The following OR1I1 variants were observed in gnomAD, a reference collection of about 807,000 sequenced individuals.
OR1I1 encodes olfactory receptor family 1 subfamily I member 1.
For missense variants in OR1I1, 451 were observed against 443.6 expected (o/e 1.02, Z -0.15); for synonymous variants, 171 against 181.4 (o/e 0.94, Z 0.46).
intron 1 of OR1I1, among the ~76,000 whole-genome samples, chr19:15,083,683 G>A (rs995580322): frequency 2.0e-5 from 3 of 152,280 alleles, no homozygotes; most frequent in Non-Finnish European, 4.4e-5. Context: ...CCTTTCATCG[G>A]CTGGGCGCTG....
Position 15,088,294 on chromosome 19 carries a change from C to A in OR1I1, c.*161C>A. The A allele has an allele frequency of 1.3e-6, 1 of 792,910 alleles. No homozygotes were observed. The highest frequency in any genetic ancestry group is 1.9e-6 in the Non-Finnish European group (1 of 518,032). 49.1% of individuals were successfully genotyped at this position (792,910 alleles called of 1,614,324 possible). A position where few individuals can be genotyped will look rare whatever the true frequency, so the allele number is the denominator to read the frequency against. ...GAAATTAGCCCTCCTGGAGGATCAG[C>A]CTTTTAGGATTGCTATGTGAATAAG... On this transcript the variant is annotated 3_prime_UTR_variant, in exon 2 of 2. Coordinates refer to ENST00000641398, the MANE Select transcript of OR1I1 (RefSeq NM_001004713.2).
At chr19:15,084,925 A>C (rs578238003) in intron 1 of OR1I1, among the ~76,000 whole-genome samples, 1 of 151,592 alleles carries the variant, frequency 6.6e-6, no homozygotes, top group African/African-American at 2.4e-5. Context: ...TACAGGCTGC[A>C]GTGAGCTGTG....
chr19:15,086,759 T>C (rs1392916495), intron 1 of OR1I1, among the ~76,000 whole-genome samples: 1 of 152,122 alleles, frequency 6.6e-6, no homozygotes, highest in Non-Finnish European at 1.5e-5. Flanking sequence ...TTTTGTTTTC[T>C]ATGAAGCTTT....
chr19:15,082,558 T>C (rs2046213666), intron 1 of OR1I1, among the ~76,000 whole-genome samples: 1 of 151,988 alleles, frequency 6.6e-6, no homozygotes. Flanking sequence ...TGGCAGGATA[T>C]GTGGAGGAAA....
Position 15,089,225 on chromosome 19 carries a change from T to TG in OR1I1, c.*1098dup, listed in dbSNP as rs1047175900. ...AGTCAGCCAGCAAGCCTCAGCCTCC[T>TG]GGGGGGTCTTGAGACCTCCACTTGT... On this transcript the variant is annotated 3_prime_UTR_variant, in exon 2 of 2. Coordinates refer to ENST00000641398, the MANE Select transcript of OR1I1 (RefSeq NM_001004713.2). The TG allele has an allele frequency of 1.3e-5, 2 of 152,098 alleles. No individual in the cohort carries two copies. Among genetic ancestry groups the TG allele is most frequent in the Non-Finnish European group, 2.9e-5 (2 of 68,002 alleles). The allele number at this position is 152,098 out of a possible 1,614,324, so 9.4% of individuals were successfully genotyped here.
At chr19:15,083,010 T>C (rs540468848) in intron 1 of OR1I1, among the ~76,000 whole-genome samples, 1 of 151,860 alleles carries the variant, frequency 6.6e-6, no homozygotes, top group South Asian at 2.1e-4. Context: ...TCTTCCTATG[T>C]TGCCCAGGAT....
At chr19:15,085,723 T>C (rs1255360317) in intron 1 of OR1I1, among the ~76,000 whole-genome samples, 2 of 152,146 alleles carry the variant, frequency 1.3e-5, no homozygotes, top group African/African-American at 4.8e-5. Context: ...TAACCACCAT[T>C]CTACTCTGCT....
At chr19:15,086,530 T>C (rs1430931821) in intron 1 of OR1I1, among the ~76,000 whole-genome samples, 2 of 151,048 alleles carry the variant, frequency 1.3e-5, no homozygotes, top group East Asian at 3.9e-4. Context: ...CTCTGCTCGC[T>C]GCAAACTTTG....
Position 15,087,998 on chromosome 19 carries a change from CT to C in OR1I1, c.934del (p.Cys312ValfsTer37). ...AGCTCATCGGCAAAGTGGCCGTCCC[CT>C]GTCCTAGGCCAGAACAGTTATTGGA... ...GKLIGKVAVPCPRPEQLLDVY... is the reference protein window; with the variant it reads ...GKLIGKVAVPXPRPEQLLDVY... On this transcript the variant is annotated frameshift_variant, in exon 2 of 2. Coordinates refer to ENST00000641398, the MANE Select transcript of OR1I1 (RefSeq NM_001004713.2). LOFTEE classifies it low-confidence loss of function (END_TRUNC). The C allele has an allele frequency of 6.2e-7, 1 of 1,614,182 alleles. No individual in the cohort carries two copies.
In OR1I1 at chr19:15,088,073, G is replaced by T; in HGVS notation, c.1008G>T (p.Met336Ile). ...TGTTGGCTGCTAGGGACACAGAGAT[G>T]CATCCCATCCCCTACCCTGGAGGAG... ...GSLLAARDTEMHPIPYPGGVQ... is the reference protein window; with the variant it reads ...GSLLAARDTEIHPIPYPGGVQ... Residue 336 changes from methionine (M) to isoleucine (I), a missense_variant, in exon 2 of 2, where the codon ATG becomes ATT. Met to Ile is a conservative substitution (Grantham distance 10). Transcript: ENST00000641398. 6.3e-7 allele frequency: 1 copy of T among 1,580,494 alleles called. No homozygotes were observed. The highest frequency in any genetic ancestry group is 2.3e-5 in the East Asian group (1 of 44,166).
chr19:15,084,334 C>T (rs2046220392), intron 1 of OR1I1, among the ~76,000 whole-genome samples: 1 of 152,122 alleles, frequency 6.6e-6, no homozygotes, highest in South Asian at 2.1e-4. Context: ...TCAAGCCGGG[C>T]AGATGATGAG....
At chr19:15,083,348 A>G (rs1043415068) in intron 1 of OR1I1, among the ~76,000 whole-genome samples, 2 of 151,852 alleles carry the variant, frequency 1.3e-5, no homozygotes, top group Admixed American at 1.3e-4. Flanking sequence ...CTCCCACTTC[A>G]GCCTCCCAAA....
rs2046243388 is a variant in OR1I1 at position 15,088,782 on chromosome 19, TAGATAGATAG to T, written c.*651_*660del. 1 of 84,186 alleles carries T rather than the reference TAGATAGATAG, an allele frequency of 1.2e-5. No individual in the cohort carries two copies. Among genetic ancestry groups the T allele is most frequent in the Non-Finnish European group, 2.4e-5 (1 of 41,234 alleles). The allele number at this position is 84,186 out of a possible 1,614,324, so 5.2% of individuals were successfully genotyped here. A position where few individuals can be genotyped will look rare whatever the true frequency, so the allele number is the denominator to read the frequency against. ...TGGATAGATAAGATATGTAGATAGA[TAGATAGATAG>T]ATAGATAGATAGATAGATAGATAGA... On this transcript the variant is annotated 3_prime_UTR_variant, in exon 2 of 2. Transcript: ENST00000641398.
At chr19:15,086,703 G>T (rs1452506929) in intron 1 of OR1I1, among the ~76,000 whole-genome samples, 1 of 151,986 alleles carries the variant, frequency 6.6e-6, no homozygotes, top group Non-Finnish European at 1.5e-5. Context: ...CAATCTGCCC[G>T]CCTCAGCCTT....
intron 1 of OR1I1, among the ~76,000 whole-genome samples, chr19:15,082,649 C>T (rs1037259435): frequency 6.6e-6 from 1 of 152,020 alleles, no homozygotes; most frequent in African/African-American, 2.4e-5. Flanking sequence ...TGCAGCAGCT[C>T]CCCAAGTGTG....
intron 1 of OR1I1, among the ~76,000 whole-genome samples, chr19:15,082,786 CG>C (rs1246647849): frequency 1.3e-4 from 12 of 92,646 alleles, no homozygotes; most frequent in Non-Finnish European, 4.2e-5. Context: ...GGGGAGGGGG[CG>C]GGGGGATTGT....
At position 15,083,689 on chromosome 19, in the gene OR1I1, C is replaced by T. The variant is rs970058649; in HGVS notation, c.-14+1413C>T. ...CTAAAAACCCCTTTCATCGGCTGGG[C>T]GCTGAAATGATGAGATTACTGGGCT... On this transcript the variant is annotated intron_variant, in intron 1 of 1. Coordinates refer to ENST00000641398, the MANE Select transcript of OR1I1 (RefSeq NM_001004713.2). Among the ~76,000 whole-genome samples the T allele has an allele frequency of 9.2e-5, 14 of 152,266 alleles. No individual in the cohort carries two copies. The East Asian group carries it at 1.7e-3, about 19-fold the overall frequency.
In OR1I1 at chr19:15,088,110, G is replaced by C. The variant is rs562053739; in HGVS notation, c.1045G>C (p.Ala349Pro). 6.4e-7 allele frequency: 1 copy of C among 1,557,678 alleles called. No homozygotes were observed. Among genetic ancestry groups the C allele is most frequent in the African/African-American group, 1.4e-5 (1 of 73,564 alleles). ...IPYPGGVQSL[A>P]GNRDME ...CTACCCTGGAGGAGTTCAGAGTCTAGCTGGGAACAGAGACATGGAATAAAT... is the reference window on the plus strand; with the variant it reads ...CTACCCTGGAGGAGTTCAGAGTCTACCTGGGAACAGAGACATGGAATAAAT... The change falls in exon 2 of 2, where the codon GCT becomes CCT. Residue 349 changes from alanine (A) to proline (P), a missense_variant. Physicochemically the swap from Ala to Pro is conservative, Grantham distance 27. Coordinates refer to ENST00000641398, the MANE Select transcript of OR1I1 (RefSeq NM_001004713.2).
At position 15,092,486 on chromosome 19, in the gene OR1I1, T is replaced by G. The variant is rs1192254369; in HGVS notation, c.*4353T>G. 2 of 152,126 alleles carry G rather than the reference T, an allele frequency of 1.3e-5. No individual in the cohort carries two copies. The highest frequency in any genetic ancestry group is 4.8e-5 in the African/African-American group (2 of 41,418). The allele number at this position is 152,126 out of a possible 1,614,324, so 9.4% of individuals were successfully genotyped here. A position where few individuals can be genotyped will look rare whatever the true frequency, so the allele number is the denominator to read the frequency against. ...ACTTTTTCTGTCAAGGTCCAGGTCG[T>G]CAATATTGTCAGCTTTAGGGACCTT... On this transcript the variant is annotated 3_prime_UTR_variant, in exon 2 of 2. Transcript: ENST00000641398.
Sources: gnomAD v4.1 joint callset for allele counts (sites outside exome capture counted in the v4.1 genomes callset) on GRCh38, gnomAD v4.1.1 for gene constraint, MANE v1.5 for transcripts, NCBI Gene and HGNC (gene_info 2026-07-23, HGNC 2026-07-21) for gene names.